PPA2: variants seen among roughly 807,000 people sequenced by gnomAD.
The protein encoded by PPA2 is inorganic pyrophosphatase 2, mitochondrial.
PPA2 carries 48 observed loss-of-function variants against 49.5 expected under a neutral mutation model. The ratio of observed to expected loss-of-function variants is 0.97; its 90% CI spans 0.77 to 1.23. The LOEUF is 1.23. PPA2 is among the 50% of genes most tolerant of loss of function. The pLI, the probability that PPA2 is intolerant of heterozygous loss-of-function variation, is 0.00. For missense variants in PPA2, 429 were observed against 410.1 expected (o/e 1.05, Z -0.40); for synonymous variants, 131 against 139.9 (o/e 0.94, Z 0.45).
intron 1 of PPA2, among the ~76,000 whole-genome samples, chr4:105,471,733 T>C (rs1560648685): frequency 6.6e-6 from 1 of 152,108 alleles, no homozygotes; most frequent in Non-Finnish European, 1.5e-5. Flanking sequence ...CTACCCCTTC[T>C]AGCAGGTAGT....
intron 10 of PPA2, among the ~76,000 whole-genome samples, chr4:105,383,989 A>G (rs1305384696): frequency 1.3e-5 from 2 of 152,192 alleles, no homozygotes; most frequent in Admixed American, 6.5e-5. Flanking sequence ...CACCTAAATA[A>G]TTCTGATTCA....
chr4:105,447,362 G>C (rs72952256), intron 4 of PPA2, among the ~76,000 whole-genome samples: 1 of 152,028 alleles, frequency 6.6e-6, no homozygotes, highest in Non-Finnish European at 1.5e-5. Context: ...AGCAGAGAGT[G>C]GAATTATAGT....
At chr4:105,409,177 G>A (rs115209687) in intron 7 of PPA2, among the ~76,000 whole-genome samples, 105 of 152,312 alleles carry the variant, frequency 6.9e-4, no homozygotes, top group African/African-American at 2.4e-3. Flanking sequence ...TGTACCTGGA[G>A]GAACTGTACA....
chr4:105,416,795 T>C (rs971198634), intron 7 of PPA2, among the ~76,000 whole-genome samples: 1 of 152,220 alleles, frequency 6.6e-6, no homozygotes. Flanking sequence ...TATCTTTCAT[T>C]GTTCTTGCCC....
At chr4:105,429,085 A>C (rs1560627031) in intron 6 of PPA2, among the ~76,000 whole-genome samples, 2 of 152,140 alleles carry the variant, frequency 1.3e-5, no homozygotes, top group Non-Finnish European at 2.9e-5. Context: ...GGCTGCTCTA[A>C]ATCTACAAAG....
chr4:105,469,455 C>T (rs1361527264), intron 1 of PPA2, among the ~76,000 whole-genome samples: 2 of 152,196 alleles, frequency 1.3e-5, no homozygotes, highest in African/African-American at 2.4e-5. Flanking sequence ...GAAAACCATA[C>T]CTAATTTTAT....
At chr4:105,397,991 T>C (rs1734213680) in intron 8 of PPA2, among the ~76,000 whole-genome samples, 1 of 152,066 alleles carries the variant, frequency 6.6e-6, no homozygotes, top group Admixed American at 6.6e-5. Flanking sequence ...ATAGCAGTAG[T>C]AAAAAGCAAT....
At chr4:105,463,924 C>T (rs1038714831) in intron 1 of PPA2, among the ~76,000 whole-genome samples, 7 of 152,302 alleles carry the variant, frequency 4.6e-5, no homozygotes, top group African/African-American at 1.7e-4. Flanking sequence ...TCATGGAGAA[C>T]CTCTGCTAGA....
intron 5 of PPA2, among the ~76,000 whole-genome samples, chr4:105,439,361 T>C (rs534489065): frequency 6.6e-6 from 1 of 152,312 alleles, no homozygotes; most frequent in African/African-American, 2.4e-5. Flanking sequence ...TTTTCAAATA[T>C]AACCCCATCT....
At chr4:105,452,010 T>C (rs1197441942) in intron 3 of PPA2, among the ~76,000 whole-genome samples, 1 of 152,246 alleles carries the variant, frequency 6.6e-6, no homozygotes, top group African/African-American at 2.4e-5. Flanking sequence ...GTTGTGTATG[T>C]GGCAAGGACT....
intron 9 of PPA2, among the ~76,000 whole-genome samples, 197 bp downstream of exon 9, chr4:105,396,052 T>C (rs542074484): frequency 6.6e-6 from 1 of 152,302 alleles, no homozygotes; most frequent in South Asian, 2.1e-4. Context: ...TCCCACTAAA[T>C]TATAAATTCC....
At chr4:105,459,493 C>T (rs1723001106) in intron 1 of PPA2, among the ~76,000 whole-genome samples, 1 of 152,164 alleles carries the variant, frequency 6.6e-6, no homozygotes, top group Non-Finnish European at 1.5e-5. Context: ...TGCACTTGCT[C>T]TGGAAAACAG....
chr4:105,392,895 G>T (rs2110385620), intron 9 of PPA2, among the ~76,000 whole-genome samples: 1 of 152,204 alleles, frequency 6.6e-6, no homozygotes, highest in South Asian at 2.1e-4. Context: ...ATCCACAGAA[G>T]ACAAGGAATA....
intron 7 of PPA2, among the ~76,000 whole-genome samples, chr4:105,409,481 C>A (rs1047184049): frequency 6.6e-6 from 1 of 152,250 alleles, no homozygotes; most frequent in African/African-American, 2.4e-5. Context: ...GAACAAAAGG[C>A]AGCAGAAACT....
intron 2 of PPA2, 74 bp downstream of exon 2, chr4:105,456,607 G>T: frequency 7.9e-7 from 1 of 1,260,310 alleles, no homozygotes; most frequent in Non-Finnish European, 1.1e-6. Flanking sequence ...TTCCTTTCAA[G>T]GTGCTTCCAA....
chr4:105,386,080 T>C (rs1297538786), intron 10 of PPA2, among the ~76,000 whole-genome samples: 1 of 151,830 alleles, frequency 6.6e-6, no homozygotes, highest in African/African-American at 2.4e-5. Flanking sequence ...GGGGTTTCCT[T>C]ATGTTGGCCA....
intron 9 of PPA2, among the ~76,000 whole-genome samples, chr4:105,391,344 C>CAAAAAAAAAAAAAA (rs11373169): frequency 2.8e-4 from 29 of 102,424 alleles, no homozygotes; most frequent in Middle Eastern, 6.8e-3. Flanking sequence ...CTTAAAGTAA[C>CAAAAAAAAAAAAAA]AAAAAAAAAA....
intron 7 of PPA2, 39 bp from the exon 8 acceptor site, chr4:105,399,203 CA>C: frequency 6.4e-7 from 1 of 1,561,358 alleles, no homozygotes; most frequent in Middle Eastern, 1.7e-4. Flanking sequence ...TGTTAAGAAC[CA>C]AAATTAATTC....
chr4:105,387,267 T>C (rs1733721525), intron 9 of PPA2, among the ~76,000 whole-genome samples: 1 of 152,096 alleles, frequency 6.6e-6, no homozygotes, highest in Non-Finnish European at 1.5e-5. Context: ...ATCATTCCTC[T>C]GAAACATATT....
Sources: allele counts gnomAD v4.1 joint callset (sites outside exome capture counted in the v4.1 genomes callset), GRCh38; gene constraint gnomAD v4.1.1; transcripts MANE v1.5; gene names NCBI Gene and HGNC (gene_info 2026-07-23, HGNC 2026-07-21).